Variants in SPMAP2L observed in about 807,000 individuals in gnomAD.
SPMAP2L encodes the protein sperm microtubule associated protein 2-like.
chr4:56,535,016 C>A, the SPMAP2L span, among the ~76,000 whole-genome samples: 1 of 152,160 alleles, frequency 6.6e-6, no homozygotes, highest in Non-Finnish European at 1.5e-5. Flanking sequence ...ATGTGCTCTT[C>A]CCTCATTGTT....
the SPMAP2L span, chr4:56,603,150 C>A: frequency 8.0e-7 from 1 of 1,243,904 alleles, no homozygotes; most frequent in Non-Finnish European, 1.1e-6. Context: ...GCTTGAGAAA[C>A]ATTAGCTACC....
At chr4:56,601,132 T>C in the SPMAP2L span, 2 of 1,527,196 alleles carry the variant, frequency 1.3e-6, no homozygotes, top group South Asian at 2.4e-5. Context: ...CAGGCTAAAG[T>C]GGGACAGGAA....
the SPMAP2L span, chr4:56,575,785 T>C: frequency 2.6e-6 from 2 of 778,992 alleles, no homozygotes; most frequent in Non-Finnish European, 3.9e-6. Flanking sequence ...ATCAAATATT[T>C]GCAGCTATTG....
the SPMAP2L span, among the ~76,000 whole-genome samples, chr4:56,590,488 T>C: frequency 6.6e-6 from 1 of 152,220 alleles, no homozygotes; most frequent in Non-Finnish European, 1.5e-5. Flanking sequence ...CAGCTACCAT[T>C]TAAGAAACTA....
chr4:56,565,156 T>C, the SPMAP2L span, among the ~76,000 whole-genome samples: 3 of 152,236 alleles, frequency 2.0e-5, no homozygotes, highest in Non-Finnish European at 4.4e-5. Context: ...TAAAGTGTTC[T>C]ATAAATGTCA....
the SPMAP2L span, among the ~76,000 whole-genome samples, chr4:56,542,273 A>G: frequency 1.3e-5 from 2 of 152,038 alleles, no homozygotes; most frequent in African/African-American, 2.4e-5. Context: ...AAAGACCACA[A>G]CTGCTTTCTC....
chr4:56,572,038 G>T, the SPMAP2L span, among the ~76,000 whole-genome samples: 1 of 152,008 alleles, frequency 6.6e-6, no homozygotes, highest in South Asian at 2.1e-4. Flanking sequence ...CTGTTTTACA[G>T]TTAATTTTTT....
chr4:56,609,031 T>C, the SPMAP2L span, among the ~76,000 whole-genome samples: 1 of 150,198 alleles, frequency 6.7e-6, no homozygotes, highest in Admixed American at 6.7e-5. Flanking sequence ...CACTATTGTC[T>C]TTTTTTCTTT....
chr4:56,603,109 A>G, the SPMAP2L span: 7 of 676,530 alleles, frequency 1.0e-5, no homozygotes, highest in Non-Finnish European at 1.4e-5. Context: ...ATAAAATGGG[A>G]TAATATCATA....
At chr4:56,558,393 C>G in the SPMAP2L span, among the ~76,000 whole-genome samples, 1 of 152,120 alleles carries the variant, frequency 6.6e-6, no homozygotes, top group Admixed American at 6.5e-5. Flanking sequence ...TGTTCATACT[C>G]TGTGTTTTCT....
the SPMAP2L span, chr4:56,596,663 T>C: frequency 6.7e-7 from 1 of 1,483,498 alleles, no homozygotes; most frequent in Non-Finnish European, 8.9e-7. Flanking sequence ...ATCCTTCAGC[T>C]CACTTTTTGG....
chr4:56,535,249 C>CATATTGT, the SPMAP2L span, among the ~76,000 whole-genome samples: 1 of 152,176 alleles, frequency 6.6e-6, no homozygotes, highest in Non-Finnish European at 1.5e-5. Context: ...GACCACCACG[C>CATATTGT]ATATTGTCTT....
chr4:56,556,310 G>A, the SPMAP2L span, among the ~76,000 whole-genome samples: 1 of 152,182 alleles, frequency 6.6e-6, no homozygotes. Flanking sequence ...AGATGGACAG[G>A]ACCTAGTGAC....
At chr4:56,596,791 G>C in the SPMAP2L span, among the ~76,000 whole-genome samples, 1 of 152,192 alleles carries the variant, frequency 6.6e-6, no homozygotes, top group Non-Finnish European at 1.5e-5. Flanking sequence ...AGGGAGAGAG[G>C]GAAAAGAGTA....
chr4:56,588,495 G>A, the SPMAP2L span, among the ~76,000 whole-genome samples: 3 of 150,772 alleles, frequency 2.0e-5, no homozygotes, highest in Non-Finnish European at 4.4e-5. Flanking sequence ...GCAATGGTGC[G>A]ATCTTGGCTC....
the SPMAP2L span, among the ~76,000 whole-genome samples, chr4:56,604,489 C>G: frequency 1.3e-5 from 2 of 152,066 alleles, no homozygotes; most frequent in Admixed American, 6.5e-5. Context: ...GAAACCCCGT[C>G]TCTACTAAAA....
At chr4:56,579,169 A>G in the SPMAP2L span, among the ~76,000 whole-genome samples, 1 of 152,144 alleles carries the variant, frequency 6.6e-6, no homozygotes. Context: ...ATTCTTTTCA[A>G]GTGTACATGG....
the SPMAP2L span, among the ~76,000 whole-genome samples, chr4:56,614,200 T>C: frequency 6.6e-6 from 1 of 152,178 alleles, no homozygotes; most frequent in South Asian, 2.1e-4. Context: ...CCTTGGAAAG[T>C]TGATGAGACT....
At chr4:56,595,362 C>T in the SPMAP2L span, 1 of 1,604,126 alleles carries the variant, frequency 6.2e-7, no homozygotes, top group Non-Finnish European at 8.5e-7. Context: ...TGGCAGGGAC[C>T]CTCATGGTTG....
Sources: allele counts gnomAD v4.1 joint callset (sites outside exome capture counted in the v4.1 genomes callset), GRCh38; gene constraint gnomAD v4.1.1; transcripts MANE v1.5; gene names NCBI Gene and HGNC (gene_info 2026-07-23, HGNC 2026-07-21).